Variants in MACO1 observed in about 807,000 individuals in gnomAD.
MACO1 encodes macoilin.
Under a neutral mutation model 78.7 loss-of-function variants are expected in MACO1, and 14 were observed. That is an observed-to-expected ratio of 0.18 (90% confidence interval 0.12 to 0.28). The LOEUF is 0.28. Among genes scored for constraint, MACO1 ranks in the 10% least tolerant of loss-of-function variants. The pLI is 1.00. For synonymous variants in MACO1, 288 were observed against 291.6 expected (o/e 0.99, Z 0.12); for missense variants, 501 against 799.0 (o/e 0.63, Z 4.50).
chr1:25,440,375 C>T (rs1360802904), intron 1 of MACO1, among the ~76,000 whole-genome samples: 1 of 147,424 alleles, frequency 6.8e-6, no homozygotes, highest in Admixed American at 6.8e-5. Context: ...GCACTTCAGC[C>T]TGGGCAACAA....
intron 4 of MACO1, among the ~76,000 whole-genome samples, chr1:25,455,225 A>C (rs181858757): frequency 6.6e-6 from 1 of 152,274 alleles, no homozygotes; most frequent in African/African-American, 2.4e-5. Flanking sequence ...TTTTTGAATG[A>C]ATATTATTTC....
chr1:25,440,650 T>G (rs1413687356), intron 1 of MACO1, among the ~76,000 whole-genome samples: 1 of 150,968 alleles, frequency 6.6e-6, no homozygotes, highest in Non-Finnish European at 1.5e-5. Flanking sequence ...GCACCTGTAA[T>G]CCCAGCTACT....
Position 25,448,389 on chromosome 1 carries a change from G to A in MACO1, c.223-419G>A, listed in dbSNP as rs146284960. On this transcript the variant is annotated intron_variant, in intron 2 of 10. Coordinates refer to ENST00000374343, the MANE Select transcript of MACO1 (RefSeq NM_018202.6). ...CGAGGCAGAAGAATCGCTTGAACCCGGGAGGTGGAGGTTGCAGTGAGCCAA... is the reference window on the plus strand; with the variant it reads ...CGAGGCAGAAGAATCGCTTGAACCCAGGAGGTGGAGGTTGCAGTGAGCCAA... Among the ~76,000 whole-genome samples the A allele has an allele frequency of 9.3e-3, 1,408 of 152,204 alleles. 20 individuals are homozygous for A. The highest frequency in any genetic ancestry group is 0.031 in the African/African-American group (1,289 of 41,516).
In MACO1 at chr1:25,439,847, C is replaced by T. The variant is rs551599729; in HGVS notation, c.81-6915C>T. 2.1e-3 allele frequency among the ~76,000 whole-genome samples: 324 copies of T among 151,556 alleles called. 4 individuals are homozygous for T. Among genetic ancestry groups the T allele is most frequent in the Non-Finnish European group, 9.3e-4 (63 of 67,844 alleles). The stretch of plus-strand genomic sequence containing the variant: ...CAGCCTGACCAACTTGGAGAAACCC[C>T]GTCTCTACTAAAAATGAAAAATTAG... On this transcript the variant is annotated intron_variant, in intron 1 of 10. Transcript: ENST00000374343.
intron 6 of MACO1, among the ~76,000 whole-genome samples, chr1:25,475,614 G>A (rs2043315602): frequency 6.6e-6 from 1 of 151,694 alleles, no homozygotes; most frequent in African/African-American, 2.4e-5. Context: ...GTTTTGGGTT[G>A]TTCTGAAACT....
At position 25,485,914 on chromosome 1, in the gene MACO1, C is replaced by T. The variant is rs1203953533; in HGVS notation, c.1496+119C>T. 1 of 1,082,508 alleles carries T rather than the reference C, an allele frequency of 9.2e-7. No homozygotes were observed. Among genetic ancestry groups the T allele is most frequent in the Non-Finnish European group, 1.3e-6 (1 of 742,902 alleles). The allele number at this position is 1,082,508 out of a possible 1,614,324, so 67.1% of individuals were successfully genotyped here. A position where few individuals can be genotyped will look rare whatever the true frequency, so the allele number is the denominator to read the frequency against. ...ACAGCAATCATGCACGGATGGATTG[C>T]TTTTAAGTACTGTTTTATTAACTGG... On this transcript the variant is annotated intron_variant, in intron 8 of 10. Transcript: ENST00000374343. This position sits in a 1 kb window ranked among gnomAD's most constrained non-coding sequence, Gnocchi z 4.3.
At chr1:25,471,422 A>G (rs1171737345) in intron 6 of MACO1, among the ~76,000 whole-genome samples, 1 of 152,144 alleles carries the variant, frequency 6.6e-6, no homozygotes, top group East Asian at 1.9e-4. Context: ...AATATATACC[A>G]GATGGTCAAT....
At chr1:25,493,727 CTTTTTTTTTTT>C (rs1189775109) in intron 10 of MACO1, among the ~76,000 whole-genome samples, 1 of 92,064 alleles carries the variant, frequency 1.1e-5, no homozygotes. Flanking sequence ...TAGTTTGATT[CTTTTTTTTTTT>C]TTTTTTTTTT....
chr1:25,461,232 G>T (rs2043168408), intron 6 of MACO1, among the ~76,000 whole-genome samples: 2 of 112,908 alleles, frequency 1.8e-5, no homozygotes, highest in Non-Finnish European at 3.5e-5. Context: ...GAGGGGGGAG[G>T]GATAGCATTA....
chr1:25,467,624 TTAAAG>T (rs2043231089), intron 6 of MACO1, among the ~76,000 whole-genome samples: 1 of 152,184 alleles, frequency 6.6e-6, no homozygotes, highest in Non-Finnish European at 1.5e-5. Context: ...TATCAACCCT[TTAAAG>T]TAGTTGAATT....
chr1:25,455,039 A>G (rs554842185), intron 4 of MACO1, among the ~76,000 whole-genome samples: 11 of 152,186 alleles, frequency 7.2e-5, no homozygotes, highest in Non-Finnish European at 1.0e-4. Context: ...CTGAAGTGAT[A>G]CATGTATTCA....
intron 2 of MACO1, among the ~76,000 whole-genome samples, chr1:25,447,288 G>A (rs2043024936): frequency 6.6e-6 from 1 of 152,088 alleles, no homozygotes; most frequent in African/African-American, 2.4e-5. Context: ...TGATTGGATT[G>A]GAGTTAGAGT....
At chr1:25,452,000 C>T (rs1173315981) in intron 3 of MACO1, among the ~76,000 whole-genome samples, 1 of 151,632 alleles carries the variant, frequency 6.6e-6, no homozygotes, top group Non-Finnish European at 1.5e-5. Flanking sequence ...ATGTTAAATT[C>T]ATAAGAGTGG....
intron 6 of MACO1, among the ~76,000 whole-genome samples, chr1:25,461,693 G>A (rs533469912): frequency 6.6e-6 from 1 of 152,108 alleles, no homozygotes; most frequent in African/African-American, 2.4e-5. Context: ...ATACTTTCAA[G>A]CCATATTAAA....
chr1:25,463,443 T>G (rs772059519), intron 6 of MACO1, among the ~76,000 whole-genome samples: 1 of 152,218 alleles, frequency 6.6e-6, no homozygotes, highest in Non-Finnish European at 1.5e-5. Flanking sequence ...TAGAAACATA[T>G]ACCTTACAAA....
In MACO1 at chr1:25,467,243, G is replaced by A. The variant is rs533691449; in HGVS notation, c.1154+8351G>A. Among the ~76,000 whole-genome samples, 4 of 152,200 alleles carry A rather than the reference G, an allele frequency of 2.6e-5. No homozygotes were observed. The East Asian group carries it at 7.7e-4, about 29-fold the overall frequency. ...ACAGCACTCTAGCCTGGGCAACAAAGCGAGGCTCTTTCTCAAAAAAAAATA... is the reference window on the plus strand; with the variant it reads ...ACAGCACTCTAGCCTGGGCAACAAAACGAGGCTCTTTCTCAAAAAAAAATA... On this transcript the variant is annotated intron_variant, in intron 6 of 10. Coordinates refer to ENST00000374343, the MANE Select transcript of MACO1 (RefSeq NM_018202.6).
intron 6 of MACO1, among the ~76,000 whole-genome samples, chr1:25,464,581 G>T (rs1273524314): frequency 2.6e-5 from 4 of 151,582 alleles, no homozygotes; most frequent in African/African-American, 9.7e-5. Context: ...CTGACCTCAG[G>T]TGATCTGCCT....
intron 6 of MACO1, among the ~76,000 whole-genome samples, chr1:25,481,617 A>G (rs553730722): frequency 2.6e-4 from 40 of 152,352 alleles, no homozygotes; most frequent in African/African-American, 9.4e-4. Flanking sequence ...CTCAAAGAGG[A>G]TAGCCTGACA....
chr1:25,493,912 TAGTAG>T (rs1478445547), intron 10 of MACO1, among the ~76,000 whole-genome samples: 2 of 152,012 alleles, frequency 1.3e-5, no homozygotes, highest in Non-Finnish European at 2.9e-5. Context: ...TTTGTATTTT[TAGTAG>T]AGATGGGGTT....
Sources: gnomAD v4.1 joint callset for allele counts (sites outside exome capture counted in the v4.1 genomes callset) on GRCh38, gnomAD v4.1.1 for gene constraint, Gnocchi (gnomAD v3.1) non-coding constraint, MANE v1.5 for transcripts, NCBI Gene and HGNC (gene_info 2026-07-23, HGNC 2026-07-21) for gene names.